Variants in COA1 observed in about 807,000 individuals in gnomAD.
COA1 encodes the protein cytochrome c oxidase assembly factor 1.
COA1 carries 13 observed loss-of-function variants against 16.0 expected under a neutral mutation model. That is an observed-to-expected ratio of 0.81 (90% CI 0.53 to 1.29). COA1 has a LOEUF of 1.29. Among genes scored for constraint, COA1 ranks in the 50% most tolerant of loss-of-function variants. The pLI is 0.00. For synonymous variants in COA1, 65 were observed against 65.7 expected (o/e 0.99, Z 0.05); for missense variants, 179 against 177.0 (o/e 1.01, Z -0.06).
At chr7:43,708,766 T>G (rs1187868246) in intron 1 of COA1, among the ~76,000 whole-genome samples, 2 of 152,178 alleles carry the variant, frequency 1.3e-5, no homozygotes, top group African/African-American at 2.4e-5. Flanking sequence ...TTACCATTAT[T>G]CTACTGGCCT....
downstream of COA1, among the ~76,000 whole-genome samples, chr7:43,637,979 A>G (rs866502231): frequency 6.6e-5 from 10 of 152,198 alleles, no homozygotes; most frequent in Admixed American, 2.0e-4. Flanking sequence ...CATATAGACA[A>G]TAGGACAGTG....
intron 1 of COA1, among the ~76,000 whole-genome samples, chr7:43,669,125 G>A (rs1373534274): frequency 1.3e-5 from 2 of 152,046 alleles, no homozygotes; most frequent in African/African-American, 2.4e-5. Flanking sequence ...TTCCCCATTC[G>A]ATGCCCCTTC....
At chr7:43,718,783 T>C (rs2095445292) in intron 1 of COA1, among the ~76,000 whole-genome samples, 1 of 152,200 alleles carries the variant, frequency 6.6e-6, no homozygotes, top group Admixed American at 6.5e-5. Flanking sequence ...GTTCATAGTT[T>C]TTCCCTCTGC....
chr7:43,646,914 G>T (rs2089485597), intron 3 of COA1: 2 of 195,114 alleles, frequency 1.0e-5, no homozygotes. Context: ...AGCCAGTCTA[G>T]AAAAAACTGC....
At chr7:43,658,313 T>G (rs926477261) in intron 1 of COA1, among the ~76,000 whole-genome samples, 12 of 151,948 alleles carry the variant, frequency 7.9e-5, no homozygotes, top group Admixed American at 7.9e-4. Context: ...GAGCCGAGAT[T>G]GCGCCACTGC....
At chr7:43,632,908 T>C (rs1321020305) in intron 6 of COA1, 1 of 152,224 alleles carries the variant, frequency 6.6e-6, no homozygotes, top group African/African-American at 2.4e-5. Flanking sequence ...GCTTACTCAG[T>C]AGACCAGGCT....
chr7:43,700,057 T>C (rs916681892), intron 1 of COA1, among the ~76,000 whole-genome samples: 3 of 152,104 alleles, frequency 2.0e-5, no homozygotes, highest in Non-Finnish European at 4.4e-5. Context: ...CAAGTATTCA[T>C]ACGGCAAAAA....
intron 1 of COA1, among the ~76,000 whole-genome samples, chr7:43,662,725 GAATA>G (rs1265451547): frequency 6.6e-6 from 1 of 152,138 alleles, no homozygotes; most frequent in African/African-American, 2.4e-5. Flanking sequence ...TTCTCAAAAT[GAATA>G]AATATTTTTT....
chr7:43,686,700 A>T (rs2094050694), intron 1 of COA1, among the ~76,000 whole-genome samples: 1 of 152,154 alleles, frequency 6.6e-6, no homozygotes, highest in Non-Finnish European at 1.5e-5. Context: ...TTTGTCCTTT[A>T]CTGGTTCATT....
At chr7:43,644,782 GC>G (rs2088583847) in intron 4 of COA1, among the ~76,000 whole-genome samples, 1 of 63,142 alleles carries the variant, frequency 1.6e-5, no homozygotes, top group African/African-American at 6.1e-5. Flanking sequence ...AGGCAGGCAG[GC>G]AGGCAGGCAG....
At chr7:43,707,300 A>C (rs2095027391) in intron 1 of COA1, among the ~76,000 whole-genome samples, 1 of 152,240 alleles carries the variant, frequency 6.6e-6, no homozygotes. Context: ...AATACTTACA[A>C]ATTAGATGGA....
chr7:43,718,107 C>G (rs1195089656), intron 1 of COA1, among the ~76,000 whole-genome samples: 1 of 152,142 alleles, frequency 6.6e-6, no homozygotes, highest in African/African-American at 2.4e-5. Flanking sequence ...TATTGTACTG[C>G]CAACTTTAGG....
intron 1 of COA1, among the ~76,000 whole-genome samples, chr7:43,680,476 GATAA>G (rs1415539602): frequency 6.6e-6 from 1 of 152,136 alleles, no homozygotes; most frequent in East Asian, 1.9e-4. Flanking sequence ...TGCATTGCAG[GATAA>G]ATAAAAAGAA....
intron 1 of COA1, among the ~76,000 whole-genome samples, chr7:43,710,375 AATAT>A (rs1554558920): frequency 2.7e-5 from 1 of 36,434 alleles, no homozygotes; most frequent in African/African-American, 1.3e-4. Context: ...AAAAAAAAAA[AATAT>A]ATATATATAT....
At position 43,654,464 on chromosome 7, in the gene COA1, C is replaced by T. The variant is rs188098297; in HGVS notation, c.-38-5812G>A. On this transcript the variant is annotated intron_variant, in intron 1 of 5. Coordinates refer to ENST00000223336, the MANE Select transcript of COA1 (RefSeq NM_018224.4). ...CGTGATGGGAACAAAGGACACTACA[C>T]GCTAAAGAAGGAAAGGGAAGAAACT... 8.2e-4 allele frequency among the ~76,000 whole-genome samples: 124 copies of T among 151,976 alleles called. 1 individual carries two copies. The highest frequency in any genetic ancestry group is 2.8e-3 in the African/African-American group (115 of 41,448).
intron 1 of COA1, among the ~76,000 whole-genome samples, chr7:43,671,405 G>A (rs1452272017): frequency 6.7e-6 from 1 of 149,068 alleles, no homozygotes; most frequent in Non-Finnish European, 1.5e-5. Context: ...TACATATAAA[G>A]AACTATTGTT....
chr7:43,719,033 G>A (rs996326991), intron 1 of COA1, among the ~76,000 whole-genome samples: 7 of 149,912 alleles, frequency 4.7e-5, no homozygotes, highest in Non-Finnish European at 8.9e-5. Context: ...GTGCAGTGGC[G>A]TAATCTCAGC....
At chr7:43,690,241 CACT>C (rs755167221) in intron 1 of COA1, among the ~76,000 whole-genome samples, 67 of 152,140 alleles carry the variant, frequency 4.4e-4, no homozygotes, top group Non-Finnish European at 8.4e-4. Context: ...TCCACAATCC[CACT>C]ACTAGGTATC....
rs577836946 is a variant in COA1 at position 43,697,369 on chromosome 7, G to A, written c.-39+32060C>T. Among the ~76,000 whole-genome samples, 8 of 151,990 alleles carry A rather than the reference G, an allele frequency of 5.3e-5. No individual in the cohort carries two copies. In the East Asian group the frequency reaches 1.6e-3, roughly 30 times the overall value. On this transcript the variant is annotated intron_variant, in intron 1 of 5. Transcript: ENST00000223336. ...TGCAGTGGCATGATCTCGACTCACT[G>A]CAACCTCTGCCTCCCTGGTTCAAGT... is the stretch of plus-strand genomic sequence containing the variant.
Sources: gnomAD v4.1 joint callset for allele counts (sites outside exome capture counted in the v4.1 genomes callset) on GRCh38, gnomAD v4.1.1 for gene constraint, MANE v1.5 for transcripts, NCBI Gene and HGNC (gene_info 2026-07-23, HGNC 2026-07-21) for gene names.